The following PARVG variants were observed in gnomAD, a reference collection of about 807,000 sequenced individuals.
PARVG encodes the protein parvin gamma, also known as gamma-parvin.
Under a neutral mutation model 44.4 loss-of-function variants are expected in PARVG, and 36 were observed. That is an observed-to-expected ratio of 0.81 (90% CI 0.62 to 1.07). The LOEUF is 1.07. Among genes scored for constraint, PARVG ranks in the 50% least tolerant of loss-of-function variants. PARVG has a pLI of 0.00. For synonymous variants in PARVG, 170 were observed against 174.1 expected (o/e 0.98, Z 0.19); for missense variants, 407 against 407.4 (o/e 1.00, Z 0.01).
rs770953019 is a variant in PARVG, at chr22:44,189,202, C to T, written c.336C>T (p.Ala112=). The change falls in exon 6 of 14, where the codon GCC becomes GCT. Residue 112 remains alanine (A), a synonymous_variant. Transcript: ENST00000444313. ...QKHKLTVVLE[A]VNRSLQLEEW... is the part of the protein sequence containing the mutation. The stretch of plus-strand genomic sequence containing the variant: ...ACAAGCTCACAGTGGTGCTGGAGGC[C>T]GTGAACCGGAGTCTGCAGCTGGAGG... 1.9e-5 allele frequency: 31 copies of T among 1,614,212 alleles called. No homozygotes were observed. The highest frequency in any genetic ancestry group is 8.9e-5 in the East Asian group (4 of 44,884).
rs750572344 is a variant in PARVG at position 44,198,724 on chromosome 22, T to G, written c.813+2T>G. 1 of 1,602,464 alleles carries G rather than the reference T, an allele frequency of 6.2e-7. No homozygotes were observed. The highest frequency in any genetic ancestry group is 8.6e-7 in the Non-Finnish European group (1 of 1,169,428). ...ACTCCCAACTCTCCTGCAGAAATGG[T>G]AAGTTTTCCAAGGATTTTTCTTTAT... is the stretch of plus-strand genomic sequence containing the variant. On this transcript the variant is annotated splice_donor_variant, in intron 12 of 13. Transcript: ENST00000444313. LOFTEE classifies it high-confidence loss of function.
At chr22:44,198,921 TCTAC>T (rs1569186353) in intron 12 of PARVG, among the ~76,000 whole-genome samples, 199 bp downstream of exon 12, 9 of 33,872 alleles carry the variant, frequency 2.7e-4, no homozygotes, top group Admixed American at 7.1e-4. Context: ...CATCCATCCA[TCTAC>T]CCATCCATCC....
At chr22:44,186,519 T>G (rs954447491) in intron 4 of PARVG, 2 of 469,916 alleles carry the variant, frequency 4.3e-6, no homozygotes, top group Non-Finnish European at 8.8e-6. Flanking sequence ...GTGGGCCATT[T>G]CCCATCCTCC....
Position 44,206,520 on chromosome 22 carries a change from T to C in PARVG, c.*94T>C, listed in dbSNP as rs2054784444. On this transcript the variant is annotated 3_prime_UTR_variant, in exon 14 of 14. Coordinates refer to ENST00000444313, the MANE Select transcript of PARVG (RefSeq NM_022141.7). ...CCTCCCACAGTCCCGCTGTTTCCTG[T>C]GCATTCGTGACCCGCTTCCCTCCCA... 2 of 1,127,044 alleles carry C rather than the reference T, an allele frequency of 1.8e-6. No homozygotes were observed. The allele number at this position is 1,127,044 out of a possible 1,614,324, so 69.8% of individuals were successfully genotyped here.
In PARVG at chr22:44,183,351, G is replaced by A. The variant is rs757171867; in HGVS notation, c.22G>A (p.Asp8Asn). ...GGCGATGGAGCCGGAGTTCTTGTAC[G>A]ACCTGCTGCAGCTCCCCAAGGGGGT... MEPEFLY[D>N]LLQLPKGVEP... The change falls in exon 3 of 14, where the codon GAC becomes AAC. Residue 8 changes from aspartate (D) to asparagine (N), a missense_variant. Transcript: ENST00000444313. 1.4e-5 allele frequency: 22 copies of A among 1,610,286 alleles called. No individual in the cohort carries two copies. Among genetic ancestry groups the A allele is most frequent in the South Asian group, 1.1e-4 (10 of 89,926 alleles).
Position 44,192,259 on chromosome 22 carries a change from C to T in PARVG, c.560+155C>T, listed in dbSNP as rs1328949227. On this transcript the variant is annotated intron_variant, in intron 8 of 13. Transcript: ENST00000444313. Reference sequence around the variant, plus strand: ...ACCCGAAAATGCTGCGCTGACCTCTCAATCCCACGGCAGCACACAGGACCC... The same window carrying T: ...ACCCGAAAATGCTGCGCTGACCTCTTAATCCCACGGCAGCACACAGGACCC... 1.0e-5 allele frequency: 8 copies of T among 789,216 alleles called. No homozygotes were observed. In the African/African-American group the frequency reaches 1.2e-4, roughly 12 times the overall value. The allele number at this position is 789,216 out of a possible 1,614,324, so 48.9% of individuals were successfully genotyped here.
At chr22:44,191,363 G>A (rs1174808045) in intron 7 of PARVG, among the ~76,000 whole-genome samples, 2 of 146,846 alleles carry the variant, frequency 1.4e-5, no homozygotes, top group Non-Finnish European at 3.0e-5. Context: ...GCCAAGTTTG[G>A]CCACACCCAG....
At chr22:44,189,087 G>C (rs2054513446) in intron 5 of PARVG, 27 bp from the exon 6 acceptor site, 1 of 1,613,470 alleles carries the variant, frequency 6.2e-7, no homozygotes, top group African/African-American at 1.3e-5. Flanking sequence ...CCGGCCAGGG[G>C]TCCTCACCAC....
intron 12 of PARVG, among the ~76,000 whole-genome samples, chr22:44,202,437 A>G (rs980471760): frequency 2.0e-5 from 3 of 152,218 alleles, no homozygotes; most frequent in Non-Finnish European, 2.9e-5. Context: ...CCTCTGCTCA[A>G]TCTGTTGCAC....
intron 12 of PARVG, among the ~76,000 whole-genome samples, chr22:44,203,584 C>T (rs1334640583): frequency 2.0e-5 from 3 of 152,194 alleles, no homozygotes; most frequent in Non-Finnish European, 2.9e-5. Context: ...GAGTCTGGAA[C>T]CTCAGGTTCC....
chr22:44,205,560 C>G (rs1250603263), intron 12 of PARVG, among the ~76,000 whole-genome samples, 197 bp from the exon 13 acceptor site: 1 of 152,198 alleles, frequency 6.6e-6, no homozygotes, highest in African/African-American at 2.4e-5. Flanking sequence ...ACATGGATTG[C>G]TTGTGTGACA....
chr22:44,188,643 T>G (rs776434709), intron 5 of PARVG: 69 of 172,628 alleles, frequency 4.0e-4, no homozygotes, highest in Non-Finnish European at 7.7e-4. Flanking sequence ...TGTCCCCATT[T>G]CACAGATGAG....
Position 44,185,809 on chromosome 22 carries a change from A to G in PARVG, c.81A>G (p.Gly27=), listed in dbSNP as rs1484941316. 3 of 1,613,026 alleles carry G rather than the reference A, an allele frequency of 1.9e-6. No homozygotes were observed. Among genetic ancestry groups the G allele is most frequent in the Non-Finnish European group, 2.5e-6 (3 of 1,179,402 alleles). ...TTGTCATACCCACTCTGCTTCCAGGAGGAAAGAAGAAATACCTGCCACCCA... is the reference window on the plus strand; with the variant it reads ...TTGTCATACCCACTCTGCTTCCAGGGGGAAAGAAGAAATACCTGCCACCCA... ...EPPAEEELSK[G]GKKKYLPPTS... Residue 27 remains glycine, a splice_region_variant and synonymous_variant, in exon 4 of 14, where the codon GGA becomes GGG. Transcript: ENST00000444313.
intron 9 of PARVG, among the ~76,000 whole-genome samples, chr22:44,195,253 T>G (rs1326011302): frequency 6.6e-6 from 1 of 151,986 alleles, no homozygotes; most frequent in Non-Finnish European, 1.5e-5. Flanking sequence ...GAAGTGGGTG[T>G]CAGAGGGTGA....
At chr22:44,204,144 C>T (rs1165415653) in intron 12 of PARVG, among the ~76,000 whole-genome samples, 1 of 152,196 alleles carries the variant, frequency 6.6e-6, no homozygotes, top group East Asian at 1.9e-4. Context: ...CGTGCCTAGC[C>T]TGTTTCTTCT....
At chr22:44,188,316 C>A (rs910970795) in intron 5 of PARVG, 11 of 193,514 alleles carry the variant, frequency 5.7e-5, no homozygotes, top group African/African-American at 1.9e-4. Context: ...CTCCAAGGGG[C>A]TTTGCAGGGG....
intron 12 of PARVG, among the ~76,000 whole-genome samples, chr22:44,204,868 C>A (rs1316740206): frequency 6.6e-6 from 1 of 152,198 alleles, no homozygotes; most frequent in South Asian, 2.1e-4. Flanking sequence ...AGGCAAAGGG[C>A]TGGGACCTAC....
intron 4 of PARVG, 50 bp downstream of exon 4, chr22:44,185,922 C>G: frequency 6.4e-7 from 1 of 1,555,680 alleles, no homozygotes; most frequent in Admixed American, 1.7e-5. Context: ...CTTGGCAGAC[C>G]AGGCAGCGGC....
At chr22:44,196,310 C>G (rs1170652088) in intron 10 of PARVG, 37 bp from the exon 11 acceptor site, 1 of 1,614,170 alleles carries the variant, frequency 6.2e-7, no homozygotes. Flanking sequence ...TCCCATCACA[C>G]CTGCTGTGTG....
Sources: gnomAD v4.1 joint callset for allele counts (sites outside exome capture counted in the v4.1 genomes callset) on GRCh38, gnomAD v4.1.1 for gene constraint, MANE v1.5 for transcripts, NCBI Gene and HGNC (gene_info 2026-07-23, HGNC 2026-07-21) for gene names.